KLRD1: variants seen among roughly 807,000 people sequenced by gnomAD.
KLRD1 encodes killer cell lectin like receptor D1.
In KLRD1, 21 loss-of-function variants were observed where a neutral mutation model predicts 22.6. The observed-to-expected ratio is 0.93, with a 90% CI of 0.66 to 1.34. KLRD1 has a LOEUF of 1.34. Ranked by LOEUF, KLRD1 falls within the 40% of genes most tolerant of loss-of-function variation. The pLI is 0.00. For missense variants in KLRD1, 183 were observed against 208.6 expected, an observed-to-expected ratio of 0.88 and a Z score of 0.76; for synonymous variants, 59 against 71.1, an observed-to-expected ratio of 0.83 and a Z score of 0.85.
rs935151158 is a variant in KLRD1, at chr12:10,328,842, A to C, written c.*14049A>C. ...TCCACGTGGCTGGGGAGGCCTCACT[A>C]TCATGGCAGAAGGTAAAACACATGT... On this transcript the variant is annotated 3_prime_UTR_variant, in exon 6 of 6. Coordinates refer to ENST00000336164, the MANE Select transcript of KLRD1 (RefSeq NM_002262.5). 6.6e-6 allele frequency: 1 copy of C among 152,274 alleles called. No homozygotes were observed. Among genetic ancestry groups the C allele is most frequent in the African/African-American group, 2.4e-5 (1 of 41,452 alleles). 9.4% of individuals were successfully genotyped at this position (152,274 alleles called of 1,614,324 possible).
chr12:10,278,492 C>T (rs1257335589), intron 1 of KLRD1, among the ~76,000 whole-genome samples: 2 of 152,170 alleles, frequency 1.3e-5, no homozygotes, highest in African/African-American at 2.4e-5. Flanking sequence ...AAAGCAATTT[C>T]TGACTCTACC....
chr12:10,295,038 G>A (rs1167791144), intron 1 of KLRD1, among the ~76,000 whole-genome samples: 1 of 152,074 alleles, frequency 6.6e-6, no homozygotes, highest in Non-Finnish European at 1.5e-5. Flanking sequence ...TCTATTTCTC[G>A]ACTTGGATGG....
chr12:10,284,035 A>T lies in KLRD1; in HGVS notation c.-100-23943A>T, dbSNP rs529514017. ...TATTAAAAATACAAAAAAAAAAAAA[A>T]AAATAGCTGGGCATGGTGGTGGGCG... On this transcript the variant is annotated intron_variant, in intron 1 of 5. Transcript: ENST00000544747. 4.5e-3 allele frequency among the ~76,000 whole-genome samples: 683 copies of T among 150,574 alleles called. 8 individuals carry two copies. The highest frequency in any genetic ancestry group is 0.015 in the African/African-American group (616 of 41,038).
chr12:10,267,813 T>G (rs1179361992), intron 1 of KLRD1, among the ~76,000 whole-genome samples: 1 of 152,234 alleles, frequency 6.6e-6, no homozygotes, highest in Non-Finnish European at 1.5e-5. Flanking sequence ...TATGAACTAC[T>G]GTCATTCTTA....
chr12:10,313,455 T>TA lies in KLRD1; in HGVS notation c.362dup (p.Tyr121Ter). 6.2e-7 allele frequency: 1 copy of TA among 1,609,690 alleles called. No individual in the cohort carries two copies. The highest frequency in any genetic ancestry group is 8.5e-7 in the Non-Finnish European group (1 of 1,177,820). Residue 121 changes from tyrosine to a stop codon, truncating the protein, a stop_gained and frameshift_variant, in exon 5 of 6, where the codon TAC (tyrosine) becomes TAAC (stop). Transcript: ENST00000336164. LOFTEE classifies it high-confidence loss of function. The part of the protein sequence containing the change: ...SQQFYWIGLS[Y>*]SEEHTAWLWE... ...ACAATTTTACTGGATTGGACTCTCT[T>TA]ACAGTGAGGAGCACACCGCCTGGTT...
At position 10,309,409 on chromosome 12, in the gene KLRD1, G is replaced by A. The variant is rs1285455662; in HGVS notation, c.29G>A (p.Arg10Lys). 12 of 1,520,954 alleles carry A rather than the reference G, an allele frequency of 7.9e-6. No homozygotes were observed. Among genetic ancestry groups the A allele is most frequent in the Non-Finnish European group, 1.1e-5 (12 of 1,094,860 alleles). 94.2% of individuals were successfully genotyped at this position (1,520,954 alleles called of 1,614,324 possible). A position where few individuals can be genotyped will look rare whatever the true frequency, so the allele number is the denominator to read the frequency against. ...ACAGTGTTTAAGACCACTCTGTGGA[G>A]GTTAATTTCTGGGACCTTAGGGATA... Reference protein sequence around the residue: MAVFKTTLWRLISGTLGIIC... With the variant: MAVFKTTLWKLISGTLGIIC... The change falls in exon 2 of 6, where the codon AGG becomes AAG. Residue 10 changes from arginine to lysine, a missense_variant. Coordinates refer to ENST00000336164, the MANE Select transcript of KLRD1 (RefSeq NM_002262.5).
At chr12:10,244,709 G>C (rs946063333) in intron 1 of KLRD1, among the ~76,000 whole-genome samples, 1 of 152,048 alleles carries the variant, frequency 6.6e-6, no homozygotes, top group Admixed American at 6.6e-5. Flanking sequence ...CTTGAACCTG[G>C]GAGGCAGGGG....
rs901061209 is a variant in KLRD1 at position 10,328,128 on chromosome 12, G to C, written c.*13335G>C. ...CATATTGGCTTATAGTTTTCTTGTGGTATCTTTGACAAGCTTTGGTGTAAT... is the reference window on the plus strand; with the variant it reads ...CATATTGGCTTATAGTTTTCTTGTGCTATCTTTGACAAGCTTTGGTGTAAT... On this transcript the variant is annotated 3_prime_UTR_variant, in exon 6 of 6. Transcript: ENST00000336164. The C allele has an allele frequency of 2.0e-5, 3 of 152,006 alleles. No homozygotes were observed. The highest frequency in any genetic ancestry group is 4.8e-5 in the African/African-American group (2 of 41,414). 9.4% of individuals were successfully genotyped at this position (152,006 alleles called of 1,614,324 possible).
intron 1 of KLRD1, among the ~76,000 whole-genome samples, chr12:10,248,598 CTT>C (rs1949316428): frequency 8.3e-6 from 1 of 120,712 alleles, no homozygotes; most frequent in African/African-American, 3.1e-5. Flanking sequence ...TTCTTTTCTT[CTT>C]TTCTTTCTTT....
chr12:10,239,469 C>CTTTCCTTCTT (rs373654789), intron 1 of KLRD1, among the ~76,000 whole-genome samples: 2 of 122,242 alleles, frequency 1.6e-5, no homozygotes, highest in Admixed American at 1.6e-4. Flanking sequence ...TTCCTTCCTT[C>CTTTCCTTCTT]CTTCCTTCCT....
chr12:10,302,177 G>A (rs1949871916), upstream of KLRD1, among the ~76,000 whole-genome samples: 1 of 152,046 alleles, frequency 6.6e-6, no homozygotes, highest in Non-Finnish European at 1.5e-5. Flanking sequence ...ACATGCTTTT[G>A]GAAAAAATGG....
intron 1 of KLRD1, among the ~76,000 whole-genome samples, chr12:10,254,127 A>C (rs531659256): frequency 2.6e-5 from 4 of 152,256 alleles, no homozygotes; most frequent in Admixed American, 2.6e-4. Flanking sequence ...TCTGGACAGC[A>C]AAAGAAACTA....
intron 1 of KLRD1, among the ~76,000 whole-genome samples, chr12:10,254,431 CA>C (rs71300165): frequency 0.044 from 3,815 of 86,770 alleles, 100 homozygotes; most frequent in African/African-American, 0.16. Flanking sequence ...CACTCCGTCT[CA>C]AAAAAAAAAA....
Position 10,327,955 on chromosome 12 carries a change from A to G in KLRD1, c.*13162A>G, listed in dbSNP as rs1386395663. Reference sequence around the variant, plus strand: ...TTATCCTTCATTCTATTAATGTGGTATATTACATTAATTGATTTTGTATGT... The same window carrying G: ...TTATCCTTCATTCTATTAATGTGGTGTATTACATTAATTGATTTTGTATGT... On this transcript the variant is annotated 3_prime_UTR_variant, in exon 6 of 6. Transcript: ENST00000336164. 2.6e-5 allele frequency: 4 copies of G among 152,130 alleles called. No homozygotes were observed. Among genetic ancestry groups the G allele is most frequent in the Non-Finnish European group, 5.9e-5 (4 of 68,010 alleles). The allele number at this position is 152,130 out of a possible 1,614,324, so 9.4% of individuals were successfully genotyped here.
At chr12:10,280,471 T>C (rs1195039041) in intron 1 of KLRD1, among the ~76,000 whole-genome samples, 1 of 152,168 alleles carries the variant, frequency 6.6e-6, no homozygotes, top group Non-Finnish European at 1.5e-5. Flanking sequence ...TGCAAATAGA[T>C]TTTTTAGCTA....
chr12:10,251,571 C>T (rs991720128), intron 1 of KLRD1, among the ~76,000 whole-genome samples: 7 of 151,902 alleles, frequency 4.6e-5, no homozygotes, highest in Admixed American at 2.0e-4. Context: ...GGTTCAAGTG[C>T]GTTACATTTA....
chr12:10,242,522 CA>C (rs775994352), intron 1 of KLRD1, among the ~76,000 whole-genome samples: 2 of 152,108 alleles, frequency 1.3e-5, no homozygotes, highest in African/African-American at 2.4e-5. Context: ...ATATCTTCAA[CA>C]TATTGATTTC....
chr12:10,309,224 T>C (rs1402428093), intron 1 of KLRD1, 164 bp from the exon 2 acceptor site: 2 of 530,458 alleles, frequency 3.8e-6, no homozygotes, highest in Non-Finnish European at 6.7e-6. Context: ...AATGTTGGTA[T>C]TGGGTGAAGT....
At chr12:10,309,978 A>G (rs1056166079) in intron 3 of KLRD1, among the ~76,000 whole-genome samples, 1 of 152,242 alleles carries the variant, frequency 6.6e-6, no homozygotes, top group African/African-American at 2.4e-5. Flanking sequence ...ACCACAGGAA[A>G]TGTTACAGTT....
Sources: allele counts gnomAD v4.1 joint callset (sites outside exome capture counted in the v4.1 genomes callset), GRCh38; gene constraint gnomAD v4.1.1; transcripts MANE v1.5; gene names NCBI Gene and HGNC (gene_info 2026-07-23, HGNC 2026-07-21).